RUNX2: variants seen among roughly 807,000 people sequenced by gnomAD.
RUNX2 encodes RUNX family transcription factor 2.
A neutral mutation model predicts 51.7 loss-of-function variants in RUNX2; 10 were observed. The ratio of observed to expected loss-of-function variants is 0.19; its 90% confidence interval spans 0.12 to 0.33. The LOEUF is 0.33. RUNX2 is among the 10% of genes least tolerant of loss of function. RUNX2 has a pLI of 1.00. For synonymous variants in RUNX2, 276 were observed against 273.6 expected (o/e 1.01, Z -0.09); for missense variants, 562 against 691.3 (o/e 0.81, Z 2.10).
chr6:45,428,411 T>A (rs1465777157), intron 3 of RUNX2, among the ~76,000 whole-genome samples: 2 of 151,854 alleles, frequency 1.3e-5, no homozygotes, highest in Non-Finnish European at 2.9e-5. Flanking sequence ...CAACCTTTTC[T>A]CCCCCTCAGA....
At chr6:45,468,228 C>A (rs2150391372) in intron 5 of RUNX2, among the ~76,000 whole-genome samples, 1 of 152,320 alleles carries the variant, frequency 6.6e-6, no homozygotes, top group South Asian at 2.1e-4. Context: ...TCTTTACTAT[C>A]CTCAATGAAA....
chr6:45,456,341 A>G (rs756918230), intron 5 of RUNX2, among the ~76,000 whole-genome samples: 2 of 152,204 alleles, frequency 1.3e-5, no homozygotes, highest in Non-Finnish European at 2.9e-5. Context: ...TAATCGCAAA[A>G]TGGTAAATCC....
chr6:45,474,939 A>G (rs895657443), intron 5 of RUNX2, among the ~76,000 whole-genome samples: 1 of 152,048 alleles, frequency 6.6e-6, no homozygotes, highest in African/African-American at 2.4e-5. Flanking sequence ...GTTCTGACCC[A>G]TCTCTGGCCC....
intron 2 of RUNX2, among the ~76,000 whole-genome samples, chr6:45,360,244 AG>A (rs1387564650): frequency 2.6e-5 from 4 of 152,298 alleles, no homozygotes; most frequent in African/African-American, 9.6e-5. Context: ...CGTCTATAAA[AG>A]GGGAATAATA....
chr6:45,407,442 A>G (rs1025912585), intron 2 of RUNX2, among the ~76,000 whole-genome samples: 2 of 152,174 alleles, frequency 1.3e-5, no homozygotes, highest in Non-Finnish European at 2.9e-5. Context: ...TCAGTCAGAA[A>G]TTTTACATTG....
At chr6:45,331,169 C>T (rs1787430884) in intron 2 of RUNX2, among the ~76,000 whole-genome samples, 1 of 151,496 alleles carries the variant, frequency 6.6e-6, no homozygotes, top group African/African-American at 2.4e-5. Context: ...ATGTCTGTGT[C>T]CTTGATCTCT....
chr6:45,366,854 G>A (rs1177734474), intron 2 of RUNX2, among the ~76,000 whole-genome samples: 3 of 151,944 alleles, frequency 2.0e-5, no homozygotes, highest in Non-Finnish European at 2.9e-5. Context: ...CTTGTCCTAC[G>A]GCTATGGCCT....
At chr6:45,513,263 A>G (rs537501350) in intron 7 of RUNX2, among the ~76,000 whole-genome samples, 31 of 152,278 alleles carry the variant, frequency 2.0e-4, no homozygotes, top group African/African-American at 7.5e-4. Flanking sequence ...ATGAACTGCA[A>G]ACATTGTCCC....
At chr6:45,398,240 A>G (rs191409944) in intron 2 of RUNX2, among the ~76,000 whole-genome samples, 3 of 152,212 alleles carry the variant, frequency 2.0e-5, no homozygotes, top group East Asian at 3.9e-4. Context: ...TGCTGCCTAG[A>G]GTTGTAGTGG....
At chr6:45,446,617 G>A (rs1799005977) in intron 5 of RUNX2, among the ~76,000 whole-genome samples, 1 of 151,434 alleles carries the variant, frequency 6.6e-6, no homozygotes, top group Admixed American at 6.6e-5. Context: ...ATTTCTTCAA[G>A]GAAGACTAGA....
intron 4 of RUNX2, among the ~76,000 whole-genome samples, chr6:45,436,973 C>T (rs1359522471): frequency 6.6e-6 from 1 of 152,158 alleles, no homozygotes; most frequent in African/African-American, 2.4e-5. Flanking sequence ...TGTTTCACGC[C>T]CACCTCTTCC....
At position 45,550,830 on chromosome 6, in the gene RUNX2, G is replaced by A. The variant is rs1802543422; in HGVS notation, c.*3525G>A. ...AACAAAAATATTTGTAGCATTTTGT[G>A]TAAATACAAGCTTTCATTTTTATTT... On this transcript the variant is annotated 3_prime_UTR_variant, in exon 9 of 9. Coordinates refer to ENST00000647337, the MANE Select transcript of RUNX2 (RefSeq NM_001024630.4). The A allele has an allele frequency of 6.6e-6, 1 of 152,588 alleles. No individual in the cohort carries two copies. 9.5% of individuals were successfully genotyped at this position (152,588 alleles called of 1,614,324 possible). A position where few individuals can be genotyped will look rare whatever the true frequency, so the allele number is the denominator to read the frequency against.
At chr6:45,419,207 G>T (rs1304948178) in intron 2 of RUNX2, among the ~76,000 whole-genome samples, 6 of 152,162 alleles carry the variant, frequency 3.9e-5, no homozygotes, top group Admixed American at 3.9e-4. Context: ...GGAATTCTCT[G>T]TTCTATGGAC....
chr6:45,519,853 AG>A (rs1801451129), intron 7 of RUNX2, among the ~76,000 whole-genome samples: 1 of 144,510 alleles, frequency 6.9e-6, no homozygotes, highest in African/African-American at 2.6e-5. Flanking sequence ...TTTGAGATGG[AG>A]TTCGCTCTTG....
chr6:45,506,429 T>G (rs1188141207), intron 6 of RUNX2, among the ~76,000 whole-genome samples: 1 of 152,184 alleles, frequency 6.6e-6, no homozygotes, highest in African/African-American at 2.4e-5. Context: ...TCATCTTTAG[T>G]GATACGTAGT....
At chr6:45,462,467 A>G (rs1180784341) in intron 5 of RUNX2, among the ~76,000 whole-genome samples, 1 of 152,234 alleles carries the variant, frequency 6.6e-6, no homozygotes, top group Non-Finnish European at 1.5e-5. Context: ...AAACAGATAC[A>G]TGAATAAATG....
rs201775239 is a variant in RUNX2, at chr6:45,403,259, G to A, written c.59-19334G>A. Among the ~76,000 whole-genome samples the A allele has an allele frequency of 1.7e-4, 23 of 132,352 alleles. No homozygotes were observed. The East Asian group carries it at 4.3e-3, about 25-fold the overall frequency. 86.8% of individuals were successfully genotyped at this position (132,352 alleles called of 152,430 possible). Reference sequence around the variant, plus strand: ...TTTTTTTTTTTTTTTTTGAGACGGAGTTTTGCTCTTGTTGCCCAGGCTGGA... The same window carrying A: ...TTTTTTTTTTTTTTTTTGAGACGGAATTTTGCTCTTGTTGCCCAGGCTGGA... On this transcript the variant is annotated intron_variant, in intron 2 of 8. Transcript: ENST00000647337.
At position 45,418,218 on chromosome 6, in the gene RUNX2, G is replaced by A. The variant is rs191148030; in HGVS notation, c.59-4375G>A. Among the ~76,000 whole-genome samples the A allele has an allele frequency of 2.6e-5, 4 of 152,274 alleles. No individual in the cohort carries two copies. The East Asian group carries it at 7.7e-4, about 29-fold the overall frequency. Reference sequence around the variant, plus strand: ...TATGGGGGTTAGAAAAGGAAACCAGGATAAAAGGCCTATGGGTTCTGTTCC... The same window carrying A: ...TATGGGGGTTAGAAAAGGAAACCAGAATAAAAGGCCTATGGGTTCTGTTCC... On this transcript the variant is annotated intron_variant, in intron 2 of 8. Transcript: ENST00000647337.
intron 2 of RUNX2, among the ~76,000 whole-genome samples, chr6:45,359,090 C>T (rs1191702877): frequency 6.6e-6 from 1 of 152,092 alleles, no homozygotes; most frequent in Non-Finnish European, 1.5e-5. Flanking sequence ...CTGGTAATTA[C>T]ACATATAATC....
Sources: gnomAD v4.1 joint callset for allele counts (sites outside exome capture counted in the v4.1 genomes callset) on GRCh38, gnomAD v4.1.1 for gene constraint, MANE v1.5 for transcripts, NCBI Gene and HGNC (gene_info 2026-07-23, HGNC 2026-07-21) for gene names.